Variants in ABCF2 observed in about 807,000 individuals in gnomAD.
ABCF2 encodes the protein ATP binding cassette subfamily F member 2.
A neutral mutation model predicts 76.9 loss-of-function variants in ABCF2; 37 were observed. The observed-to-expected ratio is 0.48, with a 90% CI of 0.37 to 0.63. ABCF2 has a LOEUF of 0.63. ABCF2 is among the 30% of genes least tolerant of loss of function. The pLI is 0.00. For synonymous variants in ABCF2, 299 were observed against 283.7 expected (o/e 1.05, Z -0.54); for missense variants, 524 against 782.1 (o/e 0.67, Z 3.94).
In ABCF2 at chr7:151,213,739, C is replaced by A; in HGVS notation, c.*315G>T. 2.1e-5 allele frequency: 24 copies of A among 1,130,064 alleles called. No homozygotes were observed. The highest frequency in any genetic ancestry group is 2.6e-5 in the Non-Finnish European group (24 of 923,014). 70.0% of individuals were successfully genotyped at this position (1,130,064 alleles called of 1,614,324 possible). A position where few individuals can be genotyped will look rare whatever the true frequency, so the allele number is the denominator to read the frequency against. On this transcript the variant is annotated 3_prime_UTR_variant, in exon 15 of 15. Coordinates refer to ENST00000287844, the MANE Select transcript of ABCF2 (RefSeq NM_007189.3). Reference sequence around the variant, plus strand: ...CGCAGGCCAAATCCAGGGCTTGGGCCCCTGGGCTAACCCGCAGGTGCCTCT... The same window carrying A: ...CGCAGGCCAAATCCAGGGCTTGGGCACCTGGGCTAACCCGCAGGTGCCTCT...
At chr7:151,218,991 C>T (rs971898574) in intron 8 of ABCF2, 73 bp downstream of exon 8, 9 of 1,610,018 alleles carry the variant, frequency 5.6e-6, no homozygotes, top group Admixed American at 5.0e-5. Context: ...TACCGCTTCT[C>T]GAAATGCCCT....
chr7:151,223,477 T>C (rs1563616941), intron 5 of ABCF2, among the ~76,000 whole-genome samples: 2 of 152,298 alleles, frequency 1.3e-5, no homozygotes. Flanking sequence ...AAGAATCCAA[T>C]AGAAAACTGA....
rs1342460417 is a variant in ABCF2 at position 151,220,566 on chromosome 7, G to T, written c.921+1012C>A. Among the ~76,000 whole-genome samples, 14 of 152,124 alleles carry T rather than the reference G, an allele frequency of 9.2e-5. No individual in the cohort carries two copies. The East Asian group carries it at 2.7e-3, about 29-fold the overall frequency. On this transcript the variant is annotated intron_variant, in intron 7 of 14. Coordinates refer to ENST00000287844, the MANE Select transcript of ABCF2 (RefSeq NM_007189.3). ...ATCGTTAGTTTCTTACATGCTTTTT[G>T]AAATATAAAATGAAAAGGCAAGGCA...
intron 11 of ABCF2, among the ~76,000 whole-genome samples, chr7:151,216,644 G>A (rs1282326841): frequency 9.2e-5 from 14 of 152,054 alleles, no homozygotes; most frequent in Non-Finnish European, 2.1e-4. Context: ...GGAGTAGCTG[G>A]GATTACAGAC....
rs1262815718 is a variant in ABCF2, at chr7:151,214,058, A to ACGTTGTGGGTCCTCTTGGTGAG, written c.1846_1867dup (p.Val623AlafsTer24). On this transcript the variant is annotated frameshift_variant, in exon 15 of 15. Transcript: ENST00000287844. LOFTEE classifies it high-confidence loss of function. The surrounding 1 kb of genome is among the most constrained non-coding windows in gnomAD (Gnocchi z 4.9). Reference sequence around the variant, plus strand: ...ACCCGAACCCAGGTAGAGGGCTCACACGTTGTGGGTCCTCTTGGTGAGCTG... The same window carrying ACGTTGTGGGTCCTCTTGGTGAG: ...ACCCGAACCCAGGTAGAGGGCTCACACGTTGTGGGTCCTCTTGGTGAGCGTTGTGGGTCCTCTTGGTGAGCTG... 1.2e-6 allele frequency: 2 copies of ACGTTGTGGGTCCTCTTGGTGAG among 1,613,726 alleles called. No homozygotes were observed. Among genetic ancestry groups the ACGTTGTGGGTCCTCTTGGTGAG allele is most frequent in the East Asian group, 4.5e-5 (2 of 44,880 alleles).
chr7:151,221,495 C>G, intron 7 of ABCF2, 83 bp downstream of exon 7: 3 of 1,002,474 alleles, frequency 3.0e-6, no homozygotes, highest in Non-Finnish European at 3.0e-6. Flanking sequence ...AGCCACCACA[C>G]CAGCCTTTTT....
At chr7:151,225,662 C>T (rs577785229) in intron 2 of ABCF2, among the ~76,000 whole-genome samples, 1 of 152,116 alleles carries the variant, frequency 6.6e-6, no homozygotes, top group African/African-American at 2.4e-5. Flanking sequence ...CTGGATGGAG[C>T]AGAAGGCTGT....
chr7:151,223,594 G>A, intron 5 of ABCF2, 84 bp downstream of exon 5: 1 of 1,449,262 alleles, frequency 6.9e-7, no homozygotes, highest in South Asian at 1.4e-5. Context: ...ACTGACTCCT[G>A]TTCCAAACAG....
At chr7:151,221,519 G>A in intron 7 of ABCF2, 59 bp downstream of exon 7, 38 of 882,756 alleles carry the variant, frequency 4.3e-5, no homozygotes, top group South Asian at 6.5e-5. Context: ...TTTTTTTAAA[G>A]AGAATTTCAG....
Position 151,213,843 on chromosome 7 carries a change from T to G in ABCF2, c.*211A>C, listed in dbSNP as rs981784241. 2.9e-6 allele frequency: 4 copies of G among 1,396,846 alleles called. No individual in the cohort carries two copies. In the African/African-American group the frequency reaches 5.8e-5, roughly 20 times the overall value. 86.5% of individuals were successfully genotyped at this position (1,396,846 alleles called of 1,614,324 possible). On this transcript the variant is annotated 3_prime_UTR_variant, in exon 15 of 15. Coordinates refer to ENST00000287844, the MANE Select transcript of ABCF2 (RefSeq NM_007189.3). ...AGCCGAGTCCAGACATGGACAGATG[T>G]AACTGGAAGGAGGACAGGAAACAGA...
At position 151,215,804 on chromosome 7, in the gene ABCF2, C is replaced by A; in HGVS notation, c.1402-72G>T. 1 of 1,606,888 alleles carries A rather than the reference C, an allele frequency of 6.2e-7. No homozygotes were observed. The highest frequency in any genetic ancestry group is 2.2e-5 in the East Asian group (1 of 44,794). ...CAAAATAAACCCTACTAGGTAACTT[C>A]CTATTTCTATCCCAGGCACCTGTTC... On this transcript the variant is annotated intron_variant, in intron 12 of 14. Coordinates refer to ENST00000287844, the MANE Select transcript of ABCF2 (RefSeq NM_007189.3). This position sits in a 1 kb window ranked among gnomAD's most constrained non-coding sequence, Gnocchi z 4.6.
At chr7:151,223,650 G>A (rs768684975) in intron 5 of ABCF2, 28 bp downstream of exon 5, 5 of 1,563,408 alleles carry the variant, frequency 3.2e-6, no homozygotes, top group East Asian at 2.3e-5. Flanking sequence ...GGGGAGTTAT[G>A]GGGGTAGGGA....
rs1478751173 is a variant in ABCF2, at chr7:151,211,753, G to A, written c.*2301C>T. 2 of 985,248 alleles carry A rather than the reference G, an allele frequency of 2.0e-6. No homozygotes were observed. Among genetic ancestry groups the A allele is most frequent in the African/African-American group, 1.7e-5 (1 of 57,200 alleles). The allele number at this position is 985,248 out of a possible 1,614,324, so 61.0% of individuals were successfully genotyped here. A position where few individuals can be genotyped will look rare whatever the true frequency, so the allele number is the denominator to read the frequency against. On this transcript the variant is annotated 3_prime_UTR_variant, in exon 15 of 15. Transcript: ENST00000287844. Reference sequence around the variant, plus strand: ...CAGATGCCATTCTCCCCTGAACCAAGGCTCTGGACTCTCAGGACAGACTAA... The same window carrying A: ...CAGATGCCATTCTCCCCTGAACCAAAGCTCTGGACTCTCAGGACAGACTAA...
At chr7:151,221,901 T>G in intron 6 of ABCF2, 1 of 494,842 alleles carries the variant, frequency 2.0e-6, no homozygotes, top group Non-Finnish European at 3.7e-6. Context: ...TCCTCAATCT[T>G]CTGTTCTAAT....
At position 151,217,083 on chromosome 7, in the gene ABCF2, T is replaced by C. The variant is rs1198520165; in HGVS notation, c.1338+998A>G. On this transcript the variant is annotated intron_variant, in intron 11 of 14. Transcript: ENST00000287844. The stretch of plus-strand genomic sequence containing the variant: ...GCATTTGTATGGTTATCATAAACTT[T>C]ATGAATTTTTCTTTTACAATATTTT... Among the ~76,000 whole-genome samples the C allele has an allele frequency of 2.6e-5, 4 of 152,268 alleles. No homozygotes were observed. In the East Asian group the frequency reaches 5.8e-4, roughly 22 times the overall value.
Position 151,213,853 on chromosome 7 carries a change from G to T in ABCF2, c.*201C>A. 1 of 1,405,600 alleles carries T rather than the reference G, an allele frequency of 7.1e-7. No individual in the cohort carries two copies. The highest frequency in any genetic ancestry group is 1.6e-5 in the South Asian group (1 of 60,712). The allele number at this position is 1,405,600 out of a possible 1,614,324, so 87.1% of individuals were successfully genotyped here. On this transcript the variant is annotated 3_prime_UTR_variant, in exon 15 of 15. Transcript: ENST00000287844. ...AGACATGGACAGATGTAACTGGAAG[G>T]AGGACAGGAAACAGACAGGTACTGT... is the stretch of plus-strand genomic sequence containing the variant.
intron 3 of ABCF2, among the ~76,000 whole-genome samples, chr7:151,224,570 G>C (rs1454327152): frequency 6.6e-6 from 1 of 152,164 alleles, no homozygotes; most frequent in Non-Finnish European, 1.5e-5. Flanking sequence ...AACACTTCTG[G>C]TTCCAAGCAT....
In ABCF2 at chr7:151,214,639, C is replaced by T. The variant is rs184350214; in HGVS notation, c.1734+240G>A. Among the ~76,000 whole-genome samples the T allele has an allele frequency of 3.9e-5, 6 of 152,174 alleles. No homozygotes were observed. The highest frequency in any genetic ancestry group is 1.2e-4 in the African/African-American group (5 of 41,436). ...TACCCAACTCTCTTTCCCATTTGGG[C>T]CCAAAATGCTAAGTTGGTTGACATC... On this transcript the variant is annotated intron_variant, in intron 14 of 14. Transcript: ENST00000287844. The surrounding 1 kb of genome is among the most constrained non-coding windows in gnomAD (Gnocchi z 4.9).
At position 151,216,031 on chromosome 7, in the gene ABCF2, T is replaced by C; in HGVS notation, c.1339-2A>G. 6.2e-7 allele frequency: 1 copy of C among 1,613,830 alleles called. No individual in the cohort carries two copies. Among genetic ancestry groups the C allele is most frequent in the Non-Finnish European group, 8.5e-7 (1 of 1,179,844 alleles). ...GATCATGCCATCTGTGGGTAGTAGC[T>C]AGGAAGAAAAAAGTAGAAACGTAAG... On this transcript the variant is annotated splice_acceptor_variant, in intron 11 of 14. Transcript: ENST00000287844. LOFTEE classifies it high-confidence loss of function.
Sources: gnomAD v4.1 joint callset for allele counts (sites outside exome capture counted in the v4.1 genomes callset) on GRCh38, gnomAD v4.1.1 for gene constraint, Gnocchi (gnomAD v3.1) non-coding constraint, MANE v1.5 for transcripts, NCBI Gene and HGNC (gene_info 2026-07-23, HGNC 2026-07-21) for gene names.